TP63: variants seen among roughly 807,000 people sequenced by gnomAD.
The protein encoded by TP63 is tumor protein 63.
In TP63, 17 loss-of-function variants were observed where a neutral mutation model predicts 82.8. The observed-to-expected ratio is 0.21, with a 90% CI of 0.14 to 0.31. The LOEUF (loss-of-function observed/expected upper bound fraction) is 0.31, where lower values mean the gene tolerates loss of function less well. Ranked by LOEUF, TP63 falls within the 10% of genes least tolerant of loss-of-function variation. TP63 has a pLI of 1.00. For synonymous variants in TP63, 330 were observed against 321.7 expected, an observed-to-expected ratio of 1.03 and a Z score of -0.28; for missense variants, 648 against 895.3, an observed-to-expected ratio of 0.72 and a Z score of 3.52.
chr3:189,806,367 A>G (rs1726906156), intron 3 of TP63, among the ~76,000 whole-genome samples: 1 of 152,098 alleles, frequency 6.6e-6, no homozygotes, highest in African/African-American at 2.4e-5. Context: ...CCCTAATTGT[A>G]CTGCTGTAGG....
the TP63 span, among the ~76,000 whole-genome samples, chr3:189,602,384 T>A: frequency 3.7e-4 from 56 of 152,052 alleles, no homozygotes; most frequent in Non-Finnish European, 6.9e-4. Context: ...CTTTCTGGGG[T>A]GATCAGTGCA....
intron 1 of TP63, among the ~76,000 whole-genome samples, chr3:189,702,542 C>T (rs1375524761): frequency 1.3e-5 from 2 of 152,190 alleles, no homozygotes; most frequent in African/African-American, 4.8e-5. Flanking sequence ...CAAATGTTTC[C>T]TCTCCTGCCT....
At chr3:189,663,460 A>G (rs1714100803) in intron 1 of TP63, among the ~76,000 whole-genome samples, 1 of 150,662 alleles carries the variant, frequency 6.6e-6, no homozygotes, top group Non-Finnish European at 1.5e-5. Flanking sequence ...TTTCAGTACA[A>G]TTTCAGGCAA....
chr3:189,869,218 T>C, intron 8 of TP63, 106 bp from the exon 9 acceptor site: 2 of 879,818 alleles, frequency 2.3e-6, no homozygotes, highest in Non-Finnish European at 3.6e-6. Flanking sequence ...TTTTAATATG[T>C]ATATTAAATC....
intron 1 of TP63, among the ~76,000 whole-genome samples, chr3:189,663,385 A>G (rs567565764): frequency 6.6e-6 from 1 of 152,262 alleles, no homozygotes; most frequent in Non-Finnish European, 1.5e-5. Flanking sequence ...ATCTTAAAGC[A>G]TCTTATAGAA....
intron 1 of TP63, among the ~76,000 whole-genome samples, chr3:189,689,641 T>TACCTAATACA (rs1716755787): frequency 6.6e-6 from 1 of 152,122 alleles, no homozygotes; most frequent in Non-Finnish European, 1.5e-5. Context: ...TAAATTGTAT[T>TACCTAATACA]AGGTATTCAA....
At position 189,894,419 on chromosome 3, in the gene TP63, C is replaced by T. The variant is rs2108874513; in HGVS notation, c.1960C>T (p.Pro654Ser). 6.2e-7 allele frequency: 1 copy of T among 1,614,098 alleles called. No individual in the cohort carries two copies. The highest frequency in any genetic ancestry group is 8.5e-7 in the Non-Finnish European group (1 of 1,180,006). The change falls in exon 14 of 14, where the codon CCC becomes TCC. Residue 654 changes from proline (P) to serine (S), a missense_variant. Around this residue, in one of 5 missense-constraint regions of TP63, gnomAD observed 342 missense variants for 425.7 expected, o/e 0.80. Transcript: ENST00000264731. ...CCTCCGCCAGACCATCTCTTTCCCA[C>T]CCCGAGATGAGTGGAATGACTTCAA... is the stretch of plus-strand genomic sequence containing the variant. ...FTLRQTISFPPRDEWNDFNFD... is the reference protein window; with the variant it reads ...FTLRQTISFPSRDEWNDFNFD...
At chr3:189,660,006 T>G (rs966700301) in intron 1 of TP63, among the ~76,000 whole-genome samples, 3 of 152,120 alleles carry the variant, frequency 2.0e-5, no homozygotes, top group African/African-American at 7.2e-5. Context: ...GTAGGTTTTC[T>G]GATTACTCTG....
chr3:189,656,935 C>T (rs1475942638), intron 1 of TP63, among the ~76,000 whole-genome samples: 1 of 28,234 alleles, frequency 3.5e-5, no homozygotes, highest in Non-Finnish European at 3.1e-4. Flanking sequence ...TGTTCTTCAA[C>T]AAGTGAGTGA....
chr3:189,893,047 G>T (rs1721178990), intron 13 of TP63, among the ~76,000 whole-genome samples: 1 of 152,136 alleles, frequency 6.6e-6, no homozygotes. Context: ...CTTAGAGCCA[G>T]TCTAAGTTAT....
intron 3 of TP63, 53 bp downstream of exon 3, chr3:189,738,827 T>C (rs1358319806): frequency 1.9e-6 from 3 of 1,603,244 alleles, no homozygotes; most frequent in South Asian, 1.1e-5. Flanking sequence ...TCTATAGCTC[T>C]GTTAAACCTG....
intron 4 of TP63, among the ~76,000 whole-genome samples, chr3:189,815,314 G>A (rs1415391177): frequency 6.6e-6 from 1 of 152,016 alleles, no homozygotes; most frequent in African/African-American, 2.4e-5. Context: ...TCACTTTGGT[G>A]AATAATAATG....
intron 10 of TP63, 49 bp from the exon 11 acceptor site, chr3:189,886,345 A>C (rs1720440733): frequency 1.3e-6 from 2 of 1,595,328 alleles, no homozygotes; most frequent in East Asian, 2.2e-5. Context: ...AATAGTCCCC[A>C]CTCTTCAGTG....
At position 189,833,798 on chromosome 3, in the gene TP63, G is replaced by A. The variant is rs945928150; in HGVS notation, c.579+25272G>A. Among the ~76,000 whole-genome samples the A allele has an allele frequency of 3.3e-5, 5 of 152,032 alleles. No homozygotes were observed. The South Asian group carries it at 8.3e-4, about 25-fold the overall frequency. ...TTTCCAGGAAAAAATAGAAAAGCCA[G>A]ATCTCTACTCCACTGAATTTAAAAA... On this transcript the variant is annotated intron_variant, in intron 4 of 13. Transcript: ENST00000264731.
intron 3 of TP63, among the ~76,000 whole-genome samples, chr3:189,791,696 G>A (rs1725159596): frequency 6.6e-6 from 1 of 152,030 alleles, no homozygotes; most frequent in Non-Finnish European, 1.5e-5. Flanking sequence ...TTCCACCAGT[G>A]CATGTATTAG....
chr3:189,792,274 C>T (rs56107686), intron 3 of TP63, among the ~76,000 whole-genome samples: 11,234 of 152,058 alleles, frequency 0.074, 446 homozygotes, highest in Middle Eastern at 0.11. Context: ...TTGGGTACAG[C>T]GGAGAGGCCG....
the TP63 span, among the ~76,000 whole-genome samples, chr3:189,617,190 A>G: frequency 1.3e-5 from 2 of 152,200 alleles, no homozygotes; most frequent in South Asian, 4.1e-4. Context: ...CTAGCCATCT[A>G]TTGTTTGCCC....
At chr3:189,741,158 A>T (rs1172773502) in intron 3 of TP63, among the ~76,000 whole-genome samples, 1 of 152,114 alleles carries the variant, frequency 6.6e-6, no homozygotes, top group Non-Finnish European at 1.5e-5. Context: ...AGTGAGAAAG[A>T]ATTTAACTGA....
chr3:189,751,062 A>G (rs984851159), intron 3 of TP63, among the ~76,000 whole-genome samples: 15 of 152,140 alleles, frequency 9.9e-5, no homozygotes, highest in African/African-American at 3.6e-4. Context: ...GAGTGAGAAC[A>G]TGCGGTGTTT....
Sources: allele counts gnomAD v4.1 joint callset (sites outside exome capture counted in the v4.1 genomes callset), GRCh38; gene constraint gnomAD v4.1.1; regional missense constraint gnomAD v4.1.1; transcripts MANE v1.5; gene names NCBI Gene and HGNC (gene_info 2026-07-23, HGNC 2026-07-21).